The following DEPDC5 variants were observed in gnomAD, a reference collection of about 807,000 sequenced individuals.
DEPDC5 encodes GATOR1 complex protein DEPDC5.
Under a neutral mutation model 217.3 loss-of-function variants are expected in DEPDC5, and 73 were observed. The ratio of observed to expected loss-of-function variants is 0.34; its 90% CI spans 0.28 to 0.41. DEPDC5 has a LOEUF of 0.41. Among genes scored for constraint, DEPDC5 ranks in the 10% least tolerant of loss-of-function variants. The probability of loss-of-function intolerance (pLI) is 1.00; values close to 1 mark genes in which losing one functional copy is unlikely to be tolerated. For synonymous variants in DEPDC5, 733 were observed against 756.7 expected, an observed-to-expected ratio of 0.97 and a Z score of 0.51; for missense variants, 1,675 against 2,070.1, an observed-to-expected ratio of 0.81 and a Z score of 3.70.
At chr22:31,760,534 C>A in intron 3 of DEPDC5, 122 bp from the exon 4 acceptor site, 1 of 799,682 alleles carries the variant, frequency 1.3e-6, no homozygotes, top group Non-Finnish European at 2.0e-6. Context: ...GAGCTTTCTC[C>A]CGTTGTTGTG....
chr22:31,890,411 A>G (rs1239682106), intron 38 of DEPDC5: 1 of 152,170 alleles, frequency 6.6e-6, no homozygotes, highest in African/African-American at 2.4e-5. Flanking sequence ...ACCATATATC[A>G]TCATACAAAA....
intron 6 of DEPDC5, among the ~76,000 whole-genome samples, chr22:31,767,173 G>A (rs1363494592): frequency 2.0e-5 from 3 of 149,640 alleles, no homozygotes; most frequent in Admixed American, 6.7e-5. Context: ...ATGGAGTTTC[G>A]CTCTTTCCCC....
At chr22:31,758,338 G>A (rs560790841) in intron 2 of DEPDC5, among the ~76,000 whole-genome samples, 1 of 152,230 alleles carries the variant, frequency 6.6e-6, no homozygotes, top group South Asian at 2.1e-4. Context: ...GGAGACAAAG[G>A]TACCTGAGCG....
At chr22:31,905,900 C>T (rs1436015658) in intron 41 of DEPDC5, 84 bp from the exon 42 acceptor site, 40 of 1,223,076 alleles carry the variant, frequency 3.3e-5, no homozygotes, top group Middle Eastern at 1.9e-4. Flanking sequence ...TCAGGCTGTC[C>T]GAGAGTCCTA....
At chr22:31,805,509 T>G (rs1386126091) in intron 17 of DEPDC5, among the ~76,000 whole-genome samples, 1 of 151,796 alleles carries the variant, frequency 6.6e-6, no homozygotes, top group East Asian at 1.9e-4. Context: ...TTTCTTTCTT[T>G]TTTTTTTTTA....
chr22:31,879,813 T>C, intron 38 of DEPDC5, 61 bp downstream of exon 38: 1 of 1,487,454 alleles, frequency 6.7e-7, no homozygotes, highest in African/African-American at 1.4e-5. Context: ...GGGAAAGTAG[T>C]GGCCAGCCAA....
intron 33 of DEPDC5, 111 bp downstream of exon 33, chr22:31,861,544 C>T (rs897774856): frequency 2.5e-5 from 28 of 1,131,988 alleles, no homozygotes; most frequent in Non-Finnish European, 3.5e-5. Context: ...GTTTGGGGGG[C>T]AGTTGAACTT....
chr22:31,860,861 C>A (rs1010703858), intron 32 of DEPDC5, among the ~76,000 whole-genome samples: 3 of 152,170 alleles, frequency 2.0e-5, no homozygotes, highest in Non-Finnish European at 4.4e-5. Context: ...ATGTATCTCT[C>A]CAAGAGGGCG....
At chr22:31,776,040 CAAAAAAAAAAAA>C (rs753480175) in intron 7 of DEPDC5, among the ~76,000 whole-genome samples, 1 of 46,978 alleles carries the variant, frequency 2.1e-5, no homozygotes. Context: ...GACTACATCT[CAAAAAAAAAAAA>C]AAAAAAAAGT....
At chr22:31,869,244 A>C (rs981313152) in intron 33 of DEPDC5, among the ~76,000 whole-genome samples, 2 of 151,852 alleles carry the variant, frequency 1.3e-5, no homozygotes, top group African/African-American at 4.8e-5. Context: ...TCTCTGGAAA[A>C]AAAAAAAAAA....
intron 30 of DEPDC5, 86 bp from the exon 31 acceptor site, chr22:31,846,748 G>A (rs2149036820): frequency 1.3e-6 from 2 of 1,591,106 alleles, no homozygotes; most frequent in South Asian, 2.2e-5. Context: ...CGGGGCCTGG[G>A]AATGCTGCAG....
intron 12 of DEPDC5, among the ~76,000 whole-genome samples, chr22:31,796,760 G>C (rs973021520): frequency 2.0e-5 from 3 of 147,932 alleles, no homozygotes; most frequent in Non-Finnish European, 4.5e-5. Flanking sequence ...GCAGTGGCTC[G>C]ATCTCGGCTC....
chr22:31,783,363 G>A (rs560738185), intron 8 of DEPDC5, among the ~76,000 whole-genome samples: 1 of 152,090 alleles, frequency 6.6e-6, no homozygotes, highest in African/African-American at 2.4e-5. Context: ...CACCATGAAG[G>A]TCCGCAGCTT....
chr22:31,802,805 A>C lies in DEPDC5; in HGVS notation c.1048A>C (p.Met350Leu). The change falls in exon 15 of 43, where the codon ATG becomes CTG. Residue 350 changes from methionine (M) to leucine (L), a missense_variant. By Grantham distance (15) the Met-to-Leu change is conservative. This residue lies in a region of DEPDC5 where 628 missense variants were observed against 762.1 expected (regional missense o/e 0.82). Transcript: ENST00000651528. The part of the protein sequence containing the change: ...VGVFEVDRLL[M>L]ILTKQRMIDN... ...TGTCTTTGAAGTGGACCGCCTACTC[A>C]TGATCCTGACCAAGCAGCGGATGAT... is the stretch of plus-strand genomic sequence containing the variant. 1.2e-6 allele frequency: 2 copies of C among 1,607,710 alleles called. No individual in the cohort carries two copies. The highest frequency in any genetic ancestry group is 2.2e-5 in the South Asian group (2 of 89,484).
At chr22:31,823,740 A>AT (rs1348813558) in intron 24 of DEPDC5, among the ~76,000 whole-genome samples, 1 of 152,178 alleles carries the variant, frequency 6.6e-6, no homozygotes, top group Non-Finnish European at 1.5e-5. Context: ...ATCAAAATAT[A>AT]TTTAAGTTAT....
At chr22:31,792,838 A>C in intron 12 of DEPDC5, 21 bp downstream of exon 12, 1 of 1,484,392 alleles carries the variant, frequency 6.7e-7, no homozygotes, top group Non-Finnish European at 8.9e-7. Context: ...GTGCTTTGCT[A>C]TACTTTTTAT....
chr22:31,792,249 G>A, intron 11 of DEPDC5, 147 bp downstream of exon 11: 1 of 638,924 alleles, frequency 1.6e-6, no homozygotes. Flanking sequence ...AGGGAAAGTA[G>A]CACAGTCCGT....
intron 37 of DEPDC5, among the ~76,000 whole-genome samples, chr22:31,876,875 G>A (rs992737650): frequency 6.6e-6 from 1 of 152,110 alleles, no homozygotes; most frequent in Admixed American, 6.5e-5. Flanking sequence ...GCATCTTGCC[G>A]GGCATGCTGG....
At chr22:31,878,654 A>G (rs1485966123) in intron 37 of DEPDC5, among the ~76,000 whole-genome samples, 2 of 152,112 alleles carry the variant, frequency 1.3e-5, no homozygotes, top group Non-Finnish European at 2.9e-5. Flanking sequence ...TTGAGGCTAT[A>G]GTGAGCCATG....
Sources: gnomAD v4.1 joint callset for allele counts (sites outside exome capture counted in the v4.1 genomes callset) on GRCh38, gnomAD v4.1.1 for gene constraint, gnomAD v4.1.1 regional missense constraint, MANE v1.5 for transcripts, NCBI Gene and HGNC (gene_info 2026-07-23, HGNC 2026-07-21) for gene names.